SLC71A2: variants seen among roughly 807,000 people sequenced by gnomAD.
SLC71A2 encodes hippocampus abundant transcript-like 1.
the SLC71A2 span, among the ~76,000 whole-genome samples, chr9:94,394,110 T>G: frequency 6.9e-6 from 1 of 144,160 alleles, no homozygotes; most frequent in Non-Finnish European, 1.5e-5. Flanking sequence ...CCTCTTAGTT[T>G]GCATTAATTT....
At chr9:94,378,748 C>T in the SLC71A2 span, among the ~76,000 whole-genome samples, 1 of 152,180 alleles carries the variant, frequency 6.6e-6, no homozygotes, top group African/African-American at 2.4e-5. Flanking sequence ...CCACCTCCAA[C>T]ACTGGGGGTC....
chr9:94,387,257 C>T, the SLC71A2 span, among the ~76,000 whole-genome samples: 2 of 152,122 alleles, frequency 1.3e-5, no homozygotes, highest in African/African-American at 2.4e-5. Flanking sequence ...TCCCTTTCTG[C>T]ACTTACTTCT....
At chr9:94,407,407 C>T in the SLC71A2 span, among the ~76,000 whole-genome samples, 2 of 145,306 alleles carry the variant, frequency 1.4e-5, no homozygotes, top group East Asian at 2.0e-4. Context: ...GAGATGGAGT[C>T]TTGCTCTGTC....
chr9:94,407,769 A>T, the SLC71A2 span, among the ~76,000 whole-genome samples: 23 of 152,170 alleles, frequency 1.5e-4, no homozygotes, highest in African/African-American at 5.5e-4. Context: ...TTTGCTTTCC[A>T]TGGTTTCAGT....
the SLC71A2 span, chr9:94,459,078 T>C: frequency 7.2e-7 from 1 of 1,391,476 alleles, no homozygotes; most frequent in Non-Finnish European, 9.9e-7. Flanking sequence ...TGGTGGTGTG[T>C]TTTTTTTGGG....
the SLC71A2 span, among the ~76,000 whole-genome samples, chr9:94,427,741 G>A: frequency 4.7e-5 from 7 of 148,022 alleles, no homozygotes; most frequent in African/African-American, 1.8e-4. Context: ...GTGGGGAAAG[G>A]GAGTCAGAGG....
chr9:94,385,733 A>G, the SLC71A2 span, among the ~76,000 whole-genome samples: 1 of 152,068 alleles, frequency 6.6e-6, no homozygotes, highest in Non-Finnish European at 1.5e-5. Context: ...CAAGTCCCAC[A>G]CTGTTTTGAT....
the SLC71A2 span, chr9:94,440,865 A>C: frequency 1.9e-6 from 1 of 536,602 alleles, no homozygotes; most frequent in Non-Finnish European, 3.4e-6. Flanking sequence ...TTAAGTATAC[A>C]TACATATACA....
At chr9:94,455,772 CTG>C in the SLC71A2 span, among the ~76,000 whole-genome samples, 2 of 152,262 alleles carry the variant, frequency 1.3e-5, no homozygotes, top group East Asian at 3.9e-4. Flanking sequence ...GAAGGCAGGT[CTG>C]TTTTTCCAGT....
At chr9:94,399,395 C>T in the SLC71A2 span, among the ~76,000 whole-genome samples, 1 of 151,996 alleles carries the variant, frequency 6.6e-6, no homozygotes, top group South Asian at 2.1e-4. Flanking sequence ...TTCTTTCAGG[C>T]TCTTTCAGCT....
the SLC71A2 span, among the ~76,000 whole-genome samples, chr9:94,439,107 C>T: frequency 6.2e-5 from 9 of 144,636 alleles, no homozygotes; most frequent in Middle Eastern, 3.8e-3. Context: ...CTGCAACCTC[C>T]GCCTCCCAGG....
At chr9:94,459,512 GC>G in the SLC71A2 span, 70 of 1,287,106 alleles carry the variant, frequency 5.4e-5, no homozygotes, top group Non-Finnish European at 7.3e-5. Context: ...GACGCTAGCG[GC>G]ATCCTTCAGG....
the SLC71A2 span, among the ~76,000 whole-genome samples, chr9:94,404,157 C>T: frequency 6.6e-6 from 1 of 152,216 alleles, no homozygotes; most frequent in Non-Finnish European, 1.5e-5. Context: ...TTATAAACTA[C>T]CCAGTCTCAA....
At chr9:94,444,869 G>A in the SLC71A2 span, 1 of 1,118,184 alleles carries the variant, frequency 8.9e-7, no homozygotes, top group Admixed American at 1.8e-5. Context: ...CTTTCCTGAA[G>A]GTGTGCACCT....
chr9:94,417,226 AC>A, the SLC71A2 span, among the ~76,000 whole-genome samples: 2 of 152,152 alleles, frequency 1.3e-5, no homozygotes, highest in Non-Finnish European at 2.9e-5. Flanking sequence ...TAACAAACTT[AC>A]CATTTTCACT....
At chr9:94,428,171 G>A in the SLC71A2 span, among the ~76,000 whole-genome samples, 12 of 150,270 alleles carry the variant, frequency 8.0e-5, no homozygotes, top group East Asian at 1.5e-3. Context: ...TTAAAAATAC[G>A]TTTTTGTTTT....
the SLC71A2 span, among the ~76,000 whole-genome samples, chr9:94,379,271 A>G: frequency 6.8e-6 from 1 of 148,084 alleles, no homozygotes; most frequent in Non-Finnish European, 1.5e-5. Flanking sequence ...TTTTTAGTAG[A>G]GATGGGGTTG....
the SLC71A2 span, among the ~76,000 whole-genome samples, chr9:94,379,334 C>A: frequency 7.5e-5 from 11 of 147,492 alleles, no homozygotes; most frequent in Non-Finnish European, 1.5e-4. Context: ...GATCCACCTG[C>A]CTTGGCCTCC....
At chr9:94,450,492 A>ATTTTTTTTTTTTTTTTTTTTTTTTTTTTT in the SLC71A2 span, among the ~76,000 whole-genome samples, 1 of 52,506 alleles carries the variant, frequency 1.9e-5, no homozygotes, top group Non-Finnish European at 3.2e-5. Context: ...AAATAATGTA[A>ATTTTTTTTTTTTTTTTTTTTTTTTTTTTT]CTTTTTTTTT....
Sources: gnomAD v4.1 joint callset for allele counts (sites outside exome capture counted in the v4.1 genomes callset) on GRCh38, gnomAD v4.1.1 for gene constraint, MANE v1.5 for transcripts, NCBI Gene and HGNC (gene_info 2026-07-23, HGNC 2026-07-21) for gene names.